The following TAFA4 variants were observed in gnomAD, a reference collection of about 807,000 sequenced individuals.
The protein encoded by TAFA4 is TAFA chemokine like family member 4, also known as chemokine-like protein TAFA-4.
A neutral mutation model predicts 21.1 loss-of-function variants in TAFA4; 20 were observed. The ratio of observed to expected loss-of-function variants is 0.95; its 90% CI spans 0.67 to 1.38. The LOEUF (loss-of-function observed/expected upper bound fraction) is 1.38. Among genes scored for constraint, TAFA4 ranks in the 40% most tolerant of loss-of-function variants. The pLI is 0.00. For synonymous variants in TAFA4, 71 were observed against 67.4 expected, an observed-to-expected ratio of 1.05 and a Z score of -0.26; for missense variants, 211 against 180.9, an observed-to-expected ratio of 1.17 and a Z score of -0.95.
At chr3:68,839,696 A>C (rs1206295404) in intron 3 of TAFA4, among the ~76,000 whole-genome samples, 1 of 152,210 alleles carries the variant, frequency 6.6e-6, no homozygotes, top group Non-Finnish European at 1.5e-5. Flanking sequence ...CCTCTTCTTA[A>C]TCCATTAGAG....
In TAFA4 at chr3:68,804,621, G is replaced by C. The variant is rs147016980; in HGVS notation, c.131-51603C>G. Among the ~76,000 whole-genome samples, 341 of 152,232 alleles carry C rather than the reference G, an allele frequency of 2.2e-3. 2 individuals are homozygous for C. In the Middle Eastern group the frequency reaches 0.031, roughly 14 times the overall value. On this transcript the variant is annotated intron_variant, in intron 3 of 5. Coordinates refer to ENST00000295569, the MANE Select transcript of TAFA4 (RefSeq NM_182522.5). ...AAAACAGAGATATAGATCAATGGAA[G>C]AGAACAGAGGCCTCAGAAATAATGC... is the stretch of plus-strand genomic sequence containing the variant.
rs2089346051 is a variant in TAFA4, at chr3:68,861,640, T to C, written c.130+19090A>G. Among the ~76,000 whole-genome samples the C allele has an allele frequency of 3.9e-5, 6 of 151,966 alleles. No homozygotes were observed. The South Asian group carries it at 1.2e-3, about 32-fold the overall frequency. ...AGGACACAGAGAAAGGACGACATGG[T>C]TGAATTCACCCCAGAGCAGAGTGAG... On this transcript the variant is annotated intron_variant, in intron 3 of 5. Transcript: ENST00000295569.
intron 3 of TAFA4, among the ~76,000 whole-genome samples, chr3:68,847,885 G>T (rs759215623): frequency 3.9e-5 from 6 of 152,130 alleles, no homozygotes; most frequent in East Asian, 1.9e-4. Context: ...CCCTCCAAAG[G>T]TTAAGTGAAA....
chr3:68,732,876 T>G lies in TAFA4; in HGVS notation c.*266A>C, dbSNP rs1702173830. 1 of 484,448 alleles carries G rather than the reference T, an allele frequency of 2.1e-6. No individual in the cohort carries two copies. Among genetic ancestry groups the G allele is most frequent in the Non-Finnish European group, 3.7e-6 (1 of 271,798 alleles). 30.0% of individuals were successfully genotyped at this position (484,448 alleles called of 1,614,324 possible). A position where few individuals can be genotyped will look rare whatever the true frequency, so the allele number is the denominator to read the frequency against. On this transcript the variant is annotated 3_prime_UTR_variant, in exon 6 of 6. Transcript: ENST00000295569. ...CATTTTGAAGACTCTGATTTGCTCT[T>G]CTCGGATTTTGGAGGTATGCTCCTT...
In TAFA4 at chr3:68,752,695, C is replaced by T. The variant is rs1692791718; in HGVS notation, c.286+168G>A. On this transcript the variant is annotated intron_variant, in intron 4 of 5. Transcript: ENST00000295569. The stretch of plus-strand genomic sequence containing the variant: ...TTGTGGGACATTATTGAAGGCATAT[C>T]TTACCATCAAGACATTTTTGGAGTT... Among the ~76,000 whole-genome samples the T allele has an allele frequency of 2.6e-5, 4 of 152,176 alleles. 1 individual carries two copies. Among genetic ancestry groups the T allele is most frequent in the Admixed American group, 2.6e-4 (4 of 15,268 alleles).
At chr3:68,789,230 C>CAA (rs11328882) in intron 3 of TAFA4, among the ~76,000 whole-genome samples, 70 of 120,158 alleles carry the variant, frequency 5.8e-4, no homozygotes, top group African/African-American at 1.8e-3. Context: ...GACTCCGTCT[C>CAA]AAAAAAAAAA....
At chr3:68,873,859 T>A (rs189113030) in intron 3 of TAFA4, among the ~76,000 whole-genome samples, 1 of 152,286 alleles carries the variant, frequency 6.6e-6, no homozygotes, top group African/African-American at 2.4e-5. Context: ...ACAACCAAGT[T>A]CGGATTGCTG....
intron 3 of TAFA4, among the ~76,000 whole-genome samples, chr3:68,811,387 T>A (rs1179539544): frequency 6.6e-6 from 1 of 151,968 alleles, no homozygotes; most frequent in Non-Finnish European, 1.5e-5. Context: ...GCTAAAGGAG[T>A]AAGTTCGAAC....
At chr3:68,919,396 T>C (rs1320688165) in intron 1 of TAFA4, among the ~76,000 whole-genome samples, 1 of 152,058 alleles carries the variant, frequency 6.6e-6, no homozygotes, top group African/African-American at 2.4e-5. Flanking sequence ...AGCTCAAGAG[T>C]CTCGAGCCCC....
intron 3 of TAFA4, among the ~76,000 whole-genome samples, chr3:68,850,792 A>G (rs2106909013): frequency 6.6e-6 from 1 of 152,046 alleles, no homozygotes; most frequent in South Asian, 2.1e-4. Flanking sequence ...GACCTTTGAC[A>G]GATGGACAGA....
intron 3 of TAFA4, among the ~76,000 whole-genome samples, chr3:68,768,152 A>T (rs1193190774): frequency 6.6e-6 from 1 of 152,178 alleles, no homozygotes; most frequent in Non-Finnish European, 1.5e-5. Flanking sequence ...GTAACAAAGG[A>T]AACAATCAGA....
chr3:68,913,324 G>A (rs1469586653), intron 1 of TAFA4, among the ~76,000 whole-genome samples: 1 of 152,086 alleles, frequency 6.6e-6, no homozygotes, highest in African/African-American at 2.4e-5. Flanking sequence ...CTCAAGCCAA[G>A]ATTTAAATCC....
intron 3 of TAFA4, among the ~76,000 whole-genome samples, chr3:68,866,489 T>C (rs916349839): frequency 1.3e-5 from 2 of 151,368 alleles, no homozygotes; most frequent in Non-Finnish European, 2.9e-5. Flanking sequence ...CAGAAATAAA[T>C]AATTAACTCT....
At chr3:68,923,800 T>C (rs2090081485) in intron 1 of TAFA4, among the ~76,000 whole-genome samples, 1 of 152,114 alleles carries the variant, frequency 6.6e-6, no homozygotes, top group Non-Finnish European at 1.5e-5. Context: ...GCCATATGCA[T>C]GAGGAGTTTG....
chr3:68,844,155 T>C (rs576335779), intron 3 of TAFA4, among the ~76,000 whole-genome samples: 1 of 152,322 alleles, frequency 6.6e-6, no homozygotes, highest in South Asian at 2.1e-4. Context: ...CCTGAGCTTT[T>C]TTTGGTTGGT....
At chr3:68,754,958 T>A (rs1268181899) in intron 3 of TAFA4, among the ~76,000 whole-genome samples, 2 of 152,190 alleles carry the variant, frequency 1.3e-5, no homozygotes, top group African/African-American at 4.8e-5. Context: ...CCTGCCCCCG[T>A]AATTTCTTCA....
intron 1 of TAFA4, among the ~76,000 whole-genome samples, chr3:68,888,484 C>CCCAACT (rs2089696916): frequency 6.6e-6 from 1 of 152,140 alleles, no homozygotes; most frequent in Non-Finnish European, 1.5e-5. Flanking sequence ...CTACCCATTA[C>CCCAACT]CCAACTCCAA....
At chr3:68,793,884 T>C (rs969759120) in intron 3 of TAFA4, among the ~76,000 whole-genome samples, 3 of 152,232 alleles carry the variant, frequency 2.0e-5, no homozygotes, top group Non-Finnish European at 4.4e-5. Context: ...AACCTTACTG[T>C]GTTTAATGGT....
intron 1 of TAFA4, among the ~76,000 whole-genome samples, chr3:68,906,005 G>A (rs2089897194): frequency 6.6e-6 from 1 of 152,186 alleles, no homozygotes; most frequent in Non-Finnish European, 1.5e-5. Context: ...TGAGTCCCAG[G>A]GCATTTGGGA....
Sources: gnomAD v4.1 joint callset for allele counts (sites outside exome capture counted in the v4.1 genomes callset) on GRCh38, gnomAD v4.1.1 for gene constraint, MANE v1.5 for transcripts, NCBI Gene and HGNC (gene_info 2026-07-23, HGNC 2026-07-21) for gene names.